The following OVCH2 variants were observed in gnomAD, a reference collection of about 807,000 sequenced individuals.
OVCH2 encodes ovochymase-2.
Under a neutral mutation model 73.7 loss-of-function variants are expected in OVCH2, and 88 were observed. That is an observed-to-expected ratio of 1.19 (90% CI 1.01 to 1.43). OVCH2 has a LOEUF of 1.43. OVCH2 is among the 40% of genes most tolerant of loss of function. The pLI is 0.00. For missense variants in OVCH2, 706 were observed against 674.5 expected (o/e 1.05, Z -0.52); for synonymous variants, 265 against 234.5 (o/e 1.13, Z -1.19).
At chr11:7,692,763 A>C (rs1856245724) in intron 12 of OVCH2, among the ~76,000 whole-genome samples, 1 of 152,328 alleles carries the variant, frequency 6.6e-6, no homozygotes, top group Non-Finnish European at 1.5e-5. Flanking sequence ...AGCTATGATG[A>C]GTAATGACCT....
chr11:7,684,025 T>C, the OVCH2 span, among the ~76,000 whole-genome samples: 969 of 149,044 alleles, frequency 6.5e-3, 11 homozygotes, highest in African/African-American at 0.023. Flanking sequence ...ATATAAAATA[T>C]TAAAATATAT....
At position 7,696,559 on chromosome 11, in the gene OVCH2, C is replaced by T. The variant is rs934940106; in HGVS notation, c.1047G>A (p.Glu349=). 9 of 1,614,038 alleles carry T rather than the reference C, an allele frequency of 5.6e-6. No homozygotes were observed. The highest frequency in any genetic ancestry group is 4.5e-5 in the East Asian group (2 of 44,874). Residue 349 remains glutamate, a synonymous_variant, in exon 10 of 16, where the codon GAG becomes GAA. Transcript: ENST00000533663. ...AAAAACTGAGCAACACATGCATTTCCTCTGGTACCAGCAGGGTCCAGACAC... is the reference window on the plus strand; with the variant it reads ...AAAAACTGAGCAACACATGCATTTCTTCTGGTACCAGCAGGGTCCAGACAC... ...QRCVWTLLVP[E]EMHVLLSFSH... is the part of the protein sequence containing the mutation.
downstream of OVCH2, among the ~76,000 whole-genome samples, chr11:7,687,269 G>A (rs1392041485): frequency 2.6e-5 from 4 of 151,218 alleles, no homozygotes; most frequent in Non-Finnish European, 5.9e-5. Context: ...AAAATATGAT[G>A]TTACCCAAAA....
At chr11:7,689,795 C>T in intron 15 of OVCH2, 129 bp downstream of exon 15, 2 of 703,604 alleles carry the variant, frequency 2.8e-6, no homozygotes, top group Non-Finnish European at 5.1e-6. Context: ...AGGTCACATT[C>T]TGGGGTACTG....
intron 6 of OVCH2, among the ~76,000 whole-genome samples, chr11:7,701,076 C>G (rs1856428776): frequency 6.6e-6 from 1 of 152,162 alleles, no homozygotes; most frequent in Non-Finnish European, 1.5e-5. Context: ...TACCTGGAAT[C>G]AGTCTTCCTG....
At chr11:7,705,304 A>T (rs1435783313) in intron 1 of OVCH2, 8 of 152,178 alleles carry the variant, frequency 5.3e-5, no homozygotes, top group Non-Finnish European at 1.2e-4. Flanking sequence ...AGTTCTTGTC[A>T]TGCAGAATTG....
intron 12 of OVCH2, among the ~76,000 whole-genome samples, chr11:7,694,506 T>A (rs573373602): frequency 2.0e-5 from 3 of 152,182 alleles, no homozygotes; most frequent in Non-Finnish European, 4.4e-5. Context: ...TGATTGACCT[T>A]GATTTTGTTA....
intron 6 of OVCH2, 134 bp from the exon 7 acceptor site, chr11:7,700,619 T>C (rs1461448825): frequency 2.0e-6 from 2 of 987,652 alleles, no homozygotes; most frequent in Non-Finnish European, 2.9e-6. Context: ...CTCAGGGTCC[T>C]GTGTATACAG....
Position 7,695,643 on chromosome 11 carries a change from G to T in OVCH2, c.1209C>A (p.Phe403Leu). The change falls in exon 11 of 16, where the codon TTC (phenylalanine) becomes TTA (leucine). Residue 403 changes from phenylalanine to leucine, a missense_variant. Transcript: ENST00000533663. ...CTGCATTATCTGTGGCATCAGAGAC[G>T]AATTTCAGCCTTAGAGAATTAGAGC... ...LIGSNSLRLK[F>L]VSDATDNAAG... The T allele has an allele frequency of 2.5e-6, 4 of 1,608,058 alleles. No homozygotes were observed. Among genetic ancestry groups the T allele is most frequent in the Non-Finnish European group, 3.4e-6 (4 of 1,179,744 alleles).
chr11:7,706,159 T>C (rs12364824), intron 1 of OVCH2, 148 bp downstream of exon 1: 2 of 813,190 alleles, frequency 2.5e-6, no homozygotes, highest in Non-Finnish European at 1.9e-6. Flanking sequence ...AGGAGATAAG[T>C]CCAAAATAAT....
chr11:7,687,545 T>G (rs538512194), downstream of OVCH2, among the ~76,000 whole-genome samples: 2 of 152,084 alleles, frequency 1.3e-5, no homozygotes, highest in African/African-American at 4.8e-5. Flanking sequence ...AGGGAGCCTC[T>G]TTCTCACCTC....
At chr11:7,691,430 T>TG in intron 13 of OVCH2, 30 bp from the exon 14 acceptor site, 5 of 1,593,338 alleles carry the variant, frequency 3.1e-6, no homozygotes, top group Non-Finnish European at 4.3e-6. Flanking sequence ...GGCATGACAT[T>TG]GTCAAGCACC....
At position 7,698,745 on chromosome 11, in the gene OVCH2, C is replaced by T. The variant is rs370844182; in HGVS notation, c.925+5G>A. 2.5e-6 allele frequency: 4 copies of T among 1,612,024 alleles called. No individual in the cohort carries two copies. Among genetic ancestry groups the T allele is most frequent in the Admixed American group, 1.7e-5 (1 of 59,856 alleles). On this transcript the variant is annotated splice_donor_5th_base_variant and intron_variant, in intron 8 of 15. Coordinates refer to ENST00000533663, the MANE Select transcript of OVCH2 (RefSeq NM_198185.7). The stretch of plus-strand genomic sequence containing the variant: ...CTGATGGAGCAGCCTGCAAGGGATA[C>T]CCACCTCTGGAGCTCTTTCTCCGAT...
At position 7,695,159 on chromosome 11, in the gene OVCH2, A is replaced by C. The variant is rs1244609083; in HGVS notation, c.1312T>G (p.Phe438Val). 1 of 1,560,954 alleles carries C rather than the reference A, an allele frequency of 6.4e-7. No homozygotes were observed. The highest frequency in any genetic ancestry group is 1.4e-5 in the African/African-American group (1 of 73,710). ...AGACTCTGTATGAGACCTTCTTCAA[A>C]AAGGACAGTTAAGTAACTGCAACCT... ...DSGCSYLTVLFEEGLIQSLNY... is the reference protein window; with the variant it reads ...DSGCSYLTVLVEEGLIQSLNY... Residue 438 changes from phenylalanine (F) to valine (V), a missense_variant, in exon 12 of 16, where the codon TTT becomes GTT. Phe to Val is a conservative substitution (Grantham distance 50). Transcript: ENST00000533663.
At chr11:7,702,088 A>G in intron 4 of OVCH2, 69 bp downstream of exon 4, 1 of 1,367,706 alleles carries the variant, frequency 7.3e-7, no homozygotes, top group Non-Finnish European at 1.0e-6. Context: ...TACTGCAGGA[A>G]ATGTGCTATG....
At chr11:7,685,740 T>C (rs1856135686), downstream of OVCH2, among the ~76,000 whole-genome samples, 1 of 152,218 alleles carries the variant, frequency 6.6e-6, no homozygotes, top group East Asian at 1.9e-4. Context: ...TCAATGAAGC[T>C]GGGATGCCCT....
chr11:7,695,141 G>T lies in OVCH2; in HGVS notation c.1330C>A (p.Gln444Lys). The change falls in exon 12 of 16, where the codon CAG (glutamine) becomes AAG (lysine). Residue 444 changes from glutamine (Q) to lysine (K), a missense_variant. Coordinates refer to ENST00000533663, the MANE Select transcript of OVCH2 (RefSeq NM_198185.7). ...TAGTTTTCAGGATAGTTTAGACTCT[G>T]TATGAGACCTTCTTCAAAAAGGACA... is the stretch of plus-strand genomic sequence containing the variant. ...LTVLFEEGLI[Q>K]SLNYPENYSD... 2 of 1,556,522 alleles carry T rather than the reference G, an allele frequency of 1.3e-6. No individual in the cohort carries two copies. The highest frequency in any genetic ancestry group is 2.4e-5 in the East Asian group (1 of 41,620).
At chr11:7,682,017 C>T in the OVCH2 span, among the ~76,000 whole-genome samples, 1 of 151,082 alleles carries the variant, frequency 6.6e-6, no homozygotes, top group Non-Finnish European at 1.5e-5. Context: ...TTTGTGATGA[C>T]AATTTCTGTT....
Position 7,696,461 on chromosome 11 carries a change from T to G in OVCH2, c.1141+4A>C, listed in dbSNP as rs750487647. On this transcript the variant is annotated splice_donor_region_variant and intron_variant, in intron 10 of 15. Coordinates refer to ENST00000533663, the MANE Select transcript of OVCH2 (RefSeq NM_198185.7). Reference sequence around the variant, plus strand: ...TCCATTTGACACTGTGAAAATCCACTCACCAATGGGTCTGTCTTCTAAAGA... The same window carrying G: ...TCCATTTGACACTGTGAAAATCCACGCACCAATGGGTCTGTCTTCTAAAGA... 1 of 1,613,950 alleles carries G rather than the reference T, an allele frequency of 6.2e-7. No homozygotes were observed.
Sources: gnomAD v4.1 joint callset for allele counts (sites outside exome capture counted in the v4.1 genomes callset) on GRCh38, gnomAD v4.1.1 for gene constraint, MANE v1.5 for transcripts, NCBI Gene and HGNC (gene_info 2026-07-23, HGNC 2026-07-21) for gene names.